FAM13C: variants seen among roughly 807,000 people sequenced by gnomAD.
FAM13C encodes family with sequence similarity 13 member C.
Under a neutral mutation model 73.2 loss-of-function variants are expected in FAM13C, and 37 were observed. The observed-to-expected ratio is 0.51, with a 90% CI of 0.39 to 0.67. FAM13C has a LOEUF of 0.67. Ranked by LOEUF, FAM13C falls within the 30% of genes least tolerant of loss-of-function variation. FAM13C has a pLI of 0.00. For synonymous variants in FAM13C, 246 were observed against 260.9 expected, an observed-to-expected ratio of 0.94 and a Z score of 0.55; for missense variants, 589 against 715.6, an observed-to-expected ratio of 0.82 and a Z score of 2.02.
At chr10:59,305,226 G>T (rs72808550) in intron 4 of FAM13C, among the ~76,000 whole-genome samples, 23,512 of 152,086 alleles carry the variant, frequency 0.15, 2,225 homozygotes, top group East Asian at 0.27. Flanking sequence ...ATTTTCTGTA[G>T]CTTACAAACA....
At chr10:59,327,397 A>G (rs975271151) in intron 3 of FAM13C, among the ~76,000 whole-genome samples, 5 of 152,202 alleles carry the variant, frequency 3.3e-5, no homozygotes, top group Non-Finnish European at 7.3e-5. Flanking sequence ...TGCCTCTATA[A>G]GAGATTTAGC....
chr10:59,326,890 G>A (rs1412888474), intron 3 of FAM13C, among the ~76,000 whole-genome samples: 1 of 152,094 alleles, frequency 6.6e-6, no homozygotes, highest in Non-Finnish European at 1.5e-5. Flanking sequence ...TTTAAGTTTT[G>A]TGGTTATTTG....
At position 59,321,431 on chromosome 10, in the gene FAM13C, C is replaced by CTTTTTTTTTTTTTTTTTT. The variant is rs1850255076; in HGVS notation, c.443+2556_443+2557insAAAAAAAAAAAAAAAAAA. ...AGAAAGGAATGGAGCCCTGCCAACA[C>CTTTTTTTTTTTTTTTTTT]CTTTTTTTTTTTTTTTTTTTTTTTT... On this transcript the variant is annotated intron_variant, in intron 4 of 13. Transcript: ENST00000618804. Among the ~76,000 whole-genome samples the CTTTTTTTTTTTTTTTTTT allele has an allele frequency of 3.6e-5, 4 of 109,856 alleles. 2 individuals are homozygous for CTTTTTTTTTTTTTTTTTT. Among genetic ancestry groups the CTTTTTTTTTTTTTTTTTT allele is most frequent in the Non-Finnish European group, 3.7e-5 (2 of 53,744 alleles). 72.1% of individuals were successfully genotyped at this position (109,856 alleles called of 152,430 possible).
rs745935725 is a variant in FAM13C at position 59,321,431 on chromosome 10, CCTTTT to C, written c.443+2552_443+2556del. On this transcript the variant is annotated intron_variant, in intron 4 of 13. Coordinates refer to ENST00000618804, the MANE Select transcript of FAM13C (RefSeq NM_198215.4). ...AGAAAGGAATGGAGCCCTGCCAACA[CCTTTT>C]TTTTTTTTTTTTTTTTTTTTTTTGG... Among the ~76,000 whole-genome samples the C allele has an allele frequency of 8.7e-4, 96 of 109,846 alleles. 6 individuals carry two copies. Among genetic ancestry groups the C allele is most frequent in the Admixed American group, 3.7e-3 (39 of 10,480 alleles). 72.1% of individuals were successfully genotyped at this position (109,846 alleles called of 152,430 possible).
intron 1 of FAM13C, among the ~76,000 whole-genome samples, chr10:59,359,561 C>G (rs1231116755): frequency 6.6e-6 from 1 of 152,214 alleles, no homozygotes; most frequent in Admixed American, 6.5e-5. Context: ...CTTGCATTAG[C>G]ACTACCTGAA....
At chr10:59,362,273 G>A (rs935866197) in intron 1 of FAM13C, 126 bp downstream of exon 1, 1 of 1,344,434 alleles carries the variant, frequency 7.4e-7, no homozygotes, top group Non-Finnish European at 1.0e-6. Flanking sequence ...GGTCTTCACA[G>A]CCCCAGATTC....
At chr10:59,287,431 TA>T (rs1240266963) in intron 5 of FAM13C, among the ~76,000 whole-genome samples, 2 of 150,470 alleles carry the variant, frequency 1.3e-5, no homozygotes, top group African/African-American at 4.9e-5. Flanking sequence ...AAAGGTAAAG[TA>T]AAAAGAAAGG....
chr10:59,273,978 C>T (rs1589418319), intron 6 of FAM13C, among the ~76,000 whole-genome samples: 1 of 150,574 alleles, frequency 6.6e-6, no homozygotes, highest in East Asian at 2.0e-4. Context: ...TAAAATTGCA[C>T]TCTTGGGATT....
At chr10:59,301,065 T>C (rs775716448) in intron 5 of FAM13C, 10 of 152,230 alleles carry the variant, frequency 6.6e-5, no homozygotes, top group Non-Finnish European at 1.0e-4. Context: ...AGTTGAGAAA[T>C]GCTGGGAATG....
chr10:59,331,599 T>C (rs1851994889), intron 3 of FAM13C, among the ~76,000 whole-genome samples: 1 of 152,160 alleles, frequency 6.6e-6, no homozygotes, highest in Non-Finnish European at 1.5e-5. Flanking sequence ...AGATTTGCAC[T>C]GGAATAAATC....
At chr10:59,356,149 C>A (rs1264164439) in intron 1 of FAM13C, among the ~76,000 whole-genome samples, 1 of 152,176 alleles carries the variant, frequency 6.6e-6, no homozygotes, top group Non-Finnish European at 1.5e-5. Context: ...AAGCTCAGAG[C>A]CAGATGTGAC....
intron 10 of FAM13C, among the ~76,000 whole-genome samples, chr10:59,258,736 GA>G (rs1842183175): frequency 2.0e-5 from 3 of 152,102 alleles, no homozygotes; most frequent in Admixed American, 2.0e-4. Flanking sequence ...GGATAAATAG[GA>G]AAGCAGAAAG....
At chr10:59,320,265 T>C (rs1850039856) in intron 4 of FAM13C, among the ~76,000 whole-genome samples, 1 of 152,170 alleles carries the variant, frequency 6.6e-6, no homozygotes. Flanking sequence ...TTCAAAATAG[T>C]TTAACTTTGT....
In FAM13C at chr10:59,269,935, G is replaced by A; in HGVS notation, c.767C>T (p.Ser256Leu). ...CTGAGTGCTGGGTGGAGATGGGGCT[G>A]ACTCGGGGTCTAAGTTGAATCTCTG... is the stretch of plus-strand genomic sequence containing the variant. ...QSQRFNLDPE[S>L]APSPPSTQQF... The change falls in exon 7 of 14, where the codon TCA (serine) becomes TTA (leucine). Residue 256 changes from serine to leucine, a missense_variant. Transcript: ENST00000618804. 1 of 1,613,984 alleles carries A rather than the reference G, an allele frequency of 6.2e-7. No homozygotes were observed. The highest frequency in any genetic ancestry group is 8.5e-7 in the Non-Finnish European group (1 of 1,179,902).
chr10:59,318,277 A>G (rs1347811173), intron 4 of FAM13C, among the ~76,000 whole-genome samples: 1 of 152,152 alleles, frequency 6.6e-6, no homozygotes, highest in Non-Finnish European at 1.5e-5. Flanking sequence ...CTCCTTTAAA[A>G]AAACAACAAA....
At chr10:59,270,165 T>C (rs190127197) in intron 6 of FAM13C, 56 bp from the exon 7 acceptor site, 86 of 1,529,314 alleles carry the variant, frequency 5.6e-5, no homozygotes, top group Non-Finnish European at 7.3e-5. Flanking sequence ...CTTGAGACTG[T>C]CATGTTCCTA....
intron 12 of FAM13C, 142 bp from the exon 13 acceptor site, chr10:59,251,818 C>G: frequency 3.2e-6 from 2 of 630,134 alleles, no homozygotes; most frequent in South Asian, 5.0e-5. Context: ...GTAAATATGA[C>G]ACACATAGAG....
At chr10:59,295,638 A>T (rs1332173418) in intron 5 of FAM13C, among the ~76,000 whole-genome samples, 1 of 152,182 alleles carries the variant, frequency 6.6e-6, no homozygotes, top group Non-Finnish European at 1.5e-5. Flanking sequence ...GTCCACCCAC[A>T]TTTCTGACCT....
At chr10:59,283,797 G>A (rs1845220272) in intron 5 of FAM13C, 2 of 494,594 alleles carry the variant, frequency 4.0e-6, no homozygotes, top group South Asian at 7.3e-5. Context: ...AATCTGAGAA[G>A]ATATCTGCTT....
Sources: gnomAD v4.1 joint callset for allele counts (sites outside exome capture counted in the v4.1 genomes callset) on GRCh38, gnomAD v4.1.1 for gene constraint, MANE v1.5 for transcripts, NCBI Gene and HGNC (gene_info 2026-07-23, HGNC 2026-07-21) for gene names.